The following ZFYVE16 variants were observed in gnomAD, a reference collection of about 807,000 sequenced individuals.
The protein encoded by ZFYVE16 is zinc finger FYVE domain-containing protein 16.
ZFYVE16 carries 89 observed loss-of-function variants against 138.1 expected under a neutral mutation model. That is an observed-to-expected ratio of 0.64 (90% confidence interval 0.54 to 0.77). The LOEUF (loss-of-function observed/expected upper bound fraction) is 0.77. ZFYVE16 is among the 30% of genes least tolerant of loss of function. The pLI is 0.00. For synonymous variants in ZFYVE16, 596 were observed against 618.3 expected, an observed-to-expected ratio of 0.96 and a Z score of 0.53; for missense variants, 1,793 against 1,786.7, an observed-to-expected ratio of 1.00 and a Z score of -0.06.
intron 2 of ZFYVE16, among the ~76,000 whole-genome samples, chr5:80,432,962 A>G (rs1038929165): frequency 6.6e-6 from 1 of 152,170 alleles, no homozygotes; most frequent in Admixed American, 6.6e-5. Flanking sequence ...AGGATGTGGA[A>G]AAACAGGAAT....
intron 2 of ZFYVE16, among the ~76,000 whole-genome samples, chr5:80,433,591 A>G (rs1336052920): frequency 6.6e-6 from 1 of 152,146 alleles, no homozygotes; most frequent in Admixed American, 6.6e-5. Flanking sequence ...GTATAATATA[A>G]AAAGTATATA....
chr5:80,434,745 A>G (rs1321131323), intron 3 of ZFYVE16, among the ~76,000 whole-genome samples: 1 of 152,180 alleles, frequency 6.6e-6, no homozygotes, highest in East Asian at 1.9e-4. Flanking sequence ...TGTTGGGATT[A>G]TAGGCATGAG....
At chr5:80,439,508 G>C (rs960458426) in intron 4 of ZFYVE16, among the ~76,000 whole-genome samples, 1 of 151,956 alleles carries the variant, frequency 6.6e-6, no homozygotes, top group African/African-American at 2.4e-5. Flanking sequence ...AAATTCTAAG[G>C]GTTGCCCATA....
At chr5:80,474,220 GT>G (rs1299977474) in intron 17 of ZFYVE16, among the ~76,000 whole-genome samples, 5 of 151,402 alleles carry the variant, frequency 3.3e-5, no homozygotes, top group African/African-American at 7.3e-5. Flanking sequence ...TCATGTTTTA[GT>G]TTTTTTTTAA....
chr5:80,456,594 A>C, intron 13 of ZFYVE16, 29 bp downstream of exon 13: 1 of 1,573,582 alleles, frequency 6.4e-7, no homozygotes, highest in Middle Eastern at 1.7e-4. Flanking sequence ...TTCAAATGAC[A>C]ATTATTGAAC....
chr5:80,440,834 G>A (rs1750631932), intron 5 of ZFYVE16: 2 of 985,056 alleles, frequency 2.0e-6, no homozygotes, highest in South Asian at 4.7e-5. Context: ...ACTAGCTCAG[G>A]CACTGCTTCC....
In ZFYVE16 at chr5:80,437,456, T is replaced by G. The variant is rs1750093389; in HGVS notation, c.771T>G (p.His257Gln). The G allele has an allele frequency of 6.2e-7, 1 of 1,602,184 alleles. No individual in the cohort carries two copies. The highest frequency in any genetic ancestry group is 1.3e-5 in the African/African-American group (1 of 74,218). ...CTCGACAAAGTTCCAAAATGTTTCA[T>G]GCCAAAGACAAGCTACAACACAAGA... ...ALTRQSSKMF[H>Q]AKDKLQHKSQ... The change falls in exon 4 of 19, where the codon CAT becomes CAG. Residue 257 changes from histidine to glutamine, a missense_variant. By Grantham distance (24) the His-to-Gln change is conservative. Transcript: ENST00000505560.
At chr5:80,436,702 T>C (rs1419900977) in intron 3 of ZFYVE16, 54 bp from the exon 4 acceptor site, 1 of 1,440,712 alleles carries the variant, frequency 6.9e-7, no homozygotes, top group African/African-American at 1.4e-5. Flanking sequence ...ATAATATGTT[T>C]AATAATTTTT....
Position 80,474,653 on chromosome 5 carries a change from T to C in ZFYVE16, c.4294-10T>C. On this transcript the variant is annotated splice_polypyrimidine_tract_variant and intron_variant, in intron 17 of 18. Transcript: ENST00000505560. ...AATCATGACTTGTTTCCTAATTAAA[T>C]ACATTTCAGGTGTTCTACTTTCTAA... The C allele has an allele frequency of 6.3e-7, 1 of 1,593,420 alleles. No homozygotes were observed. Among genetic ancestry groups the C allele is most frequent in the East Asian group, 2.2e-5 (1 of 44,720 alleles).
In ZFYVE16 at chr5:80,434,254, TA is replaced by T. The variant is rs758132748; in HGVS notation, c.70+42del. On this transcript the variant is annotated intron_variant, in intron 3 of 18. Coordinates refer to ENST00000505560, the MANE Select transcript of ZFYVE16 (RefSeq NM_001284236.3). ...TTCCATTTTTGCCGCTAATGGGATT[TA>T]AAAATATCTGTAATTAAGTTATCTC... The T allele has an allele frequency of 1.9e-6, 3 of 1,601,088 alleles. No homozygotes were observed. In the South Asian group the frequency reaches 3.3e-5, roughly 18 times the overall value.
intron 2 of ZFYVE16, among the ~76,000 whole-genome samples, chr5:80,428,875 A>T (rs1288863676): frequency 6.6e-6 from 1 of 152,234 alleles, no homozygotes; most frequent in East Asian, 1.9e-4. Context: ...GATCAAATGA[A>T]TGAAATGAAG....
intron 15 of ZFYVE16, among the ~76,000 whole-genome samples, chr5:80,468,975 CAATT>C (rs1254363416): frequency 6.6e-6 from 1 of 151,824 alleles, no homozygotes; most frequent in African/African-American, 2.4e-5. Flanking sequence ...CCATGTTTAT[CAATT>C]AATACCTTTT....
At chr5:80,420,856 C>T (rs1747042876) in intron 1 of ZFYVE16, among the ~76,000 whole-genome samples, 1 of 152,166 alleles carries the variant, frequency 6.6e-6, no homozygotes, top group Non-Finnish European at 1.5e-5. Flanking sequence ...TTCTAGATCC[C>T]TAAGGAATCG....
At chr5:80,462,467 C>T (rs767759463) in intron 15 of ZFYVE16, among the ~76,000 whole-genome samples, 1 of 152,118 alleles carries the variant, frequency 6.6e-6, no homozygotes, top group Non-Finnish European at 1.5e-5. Flanking sequence ...GGAAACTGCC[C>T]CCATGATCCA....
chr5:80,468,444 CA>C (rs1753953875), intron 15 of ZFYVE16, among the ~76,000 whole-genome samples: 1 of 152,152 alleles, frequency 6.6e-6, no homozygotes, highest in Admixed American at 6.5e-5. Context: ...TAAACCTGTA[CA>C]GCATGTTACC....
intron 15 of ZFYVE16, among the ~76,000 whole-genome samples, chr5:80,466,377 G>A (rs533778138): frequency 6.6e-6 from 1 of 152,168 alleles, no homozygotes; most frequent in Non-Finnish European, 1.5e-5. Context: ...CTGTTGTTGA[G>A]CTCCACTAGT....
chr5:80,434,801 G>A (rs965505461), intron 3 of ZFYVE16, among the ~76,000 whole-genome samples: 1 of 152,142 alleles, frequency 6.6e-6, no homozygotes, highest in African/African-American at 2.4e-5. Context: ...CAAGCTAAAA[G>A]CAACTTGAGA....
intron 18 of ZFYVE16, among the ~76,000 whole-genome samples, chr5:80,475,061 C>T (rs1160257980): frequency 1.3e-5 from 2 of 152,184 alleles, no homozygotes; most frequent in East Asian, 3.8e-4. Flanking sequence ...AGTATGGTTT[C>T]TTTCACAACT....
chr5:80,473,735 A>G lies in ZFYVE16; in HGVS notation c.4188-19A>G. ...ACATTGGTGCTAATAATTCTATTGT[A>G]TTATGTTTTATTTCATAGAGTTATC... is the stretch of plus-strand genomic sequence containing the variant. On this transcript the variant is annotated intron_variant, in intron 16 of 18. Transcript: ENST00000505560. 2 of 1,539,310 alleles carry G rather than the reference A, an allele frequency of 1.3e-6. No homozygotes were observed. Among genetic ancestry groups the G allele is most frequent in the Non-Finnish European group, 1.8e-6 (2 of 1,120,746 alleles).
Sources: gnomAD v4.1 joint callset for allele counts (sites outside exome capture counted in the v4.1 genomes callset) on GRCh38, gnomAD v4.1.1 for gene constraint, MANE v1.5 for transcripts, NCBI Gene and HGNC (gene_info 2026-07-23, HGNC 2026-07-21) for gene names.